SDK1: variants seen among roughly 807,000 people sequenced by gnomAD.
SDK1 encodes protein sidekick-1.
In SDK1, 157 loss-of-function variants were observed where a neutral mutation model predicts 245.5. The observed-to-expected ratio is 0.64, with a 90% confidence interval of 0.56 to 0.73. The LOEUF (loss-of-function observed/expected upper bound fraction) is 0.73. Among genes scored for constraint, SDK1 ranks in the 30% least tolerant of loss-of-function variants. SDK1 has a pLI of 0.00. For missense variants in SDK1, 3,583 were observed against 3,002.3 expected, an observed-to-expected ratio of 1.19 and a Z score of -4.52; for synonymous variants, 1,647 against 1,278.5, an observed-to-expected ratio of 1.29 and a Z score of -6.15.
rs180866854 is a variant in SDK1 at position 3,612,880 on chromosome 7, C to G, written c.299-6200C>G. ...AGCTCATCGTCACTTCACCGGGACA[C>G]GTGGACTTTGTGGGCTTCACAGACT... On this transcript the variant is annotated intron_variant, in intron 1 of 44. Coordinates refer to ENST00000404826, the MANE Select transcript of SDK1 (RefSeq NM_152744.4). Among the ~76,000 whole-genome samples, 384 of 152,242 alleles carry G rather than the reference C, an allele frequency of 2.5e-3. 5 individuals carry two copies. The highest frequency in any genetic ancestry group is 9.0e-3 in the African/African-American group (374 of 41,530).
At chr7:3,686,872 G>A (rs757291331) in intron 4 of SDK1, among the ~76,000 whole-genome samples, 1 of 152,136 alleles carries the variant, frequency 6.6e-6, no homozygotes, top group South Asian at 2.1e-4. Context: ...GGGCACTGGG[G>A]CAGTCCCTTG....
chr7:3,513,120 A>T (rs1267838320), intron 1 of SDK1, among the ~76,000 whole-genome samples: 1 of 152,164 alleles, frequency 6.6e-6, no homozygotes, highest in Non-Finnish European at 1.5e-5. Flanking sequence ...TATATTAATA[A>T]AAATACTAGC....
intron 4 of SDK1, among the ~76,000 whole-genome samples, chr7:3,768,831 T>G (rs1780329494): frequency 6.6e-6 from 1 of 152,182 alleles, no homozygotes; most frequent in South Asian, 2.1e-4. Flanking sequence ...ATGACCCAAA[T>G]TGTCATTTTC....
intron 24 of SDK1, 102 bp from the exon 25 acceptor site, chr7:4,113,932 ACCT>A (rs1329498395): frequency 4.9e-5 from 39 of 799,848 alleles, no homozygotes; most frequent in Non-Finnish European, 7.2e-5. Flanking sequence ...CCCCAGGAAC[ACCT>A]CCTCCACGGA....
chr7:3,402,114 T>A (rs1778904120), intron 1 of SDK1, among the ~76,000 whole-genome samples: 1 of 152,146 alleles, frequency 6.6e-6, no homozygotes, highest in Non-Finnish European at 1.5e-5. Context: ...GATAGAGCAA[T>A]GTCACAGAAA....
Position 4,049,338 on chromosome 7 carries a change from C to T in SDK1, c.2603-10C>T. The T allele has an allele frequency of 6.2e-7, 1 of 1,610,786 alleles. No homozygotes were observed. The highest frequency in any genetic ancestry group is 1.1e-5 in the South Asian group (1 of 91,012). On this transcript the variant is annotated splice_polypyrimidine_tract_variant and intron_variant, in intron 17 of 44. Transcript: ENST00000404826. ...TTGTTCTGCTGTCATCAATGACTGC[C>T]CTGCCACAGTGCCCACCGCGCCCCC...
At chr7:4,065,425 G>T (rs1051301347) in intron 19 of SDK1, among the ~76,000 whole-genome samples, 1 of 151,134 alleles carries the variant, frequency 6.6e-6, no homozygotes, top group African/African-American at 2.5e-5. Flanking sequence ...CTAGAGGACA[G>T]CATCTTTGGG....
intron 5 of SDK1, among the ~76,000 whole-genome samples, chr7:3,936,310 G>T (rs571832078): frequency 2.0e-5 from 3 of 152,066 alleles, no homozygotes; most frequent in Non-Finnish European, 4.4e-5. Flanking sequence ...GGCCGGGCAC[G>T]GTGGCTCACG....
intron 5 of SDK1, among the ~76,000 whole-genome samples, chr7:3,926,512 G>C (rs991395337): frequency 5.1e-4 from 77 of 152,102 alleles, no homozygotes; most frequent in African/African-American, 1.7e-3. Context: ...CCAGTCTGGA[G>C]TGCAGTGGTG....
chr7:4,150,255 C>T (rs1191966623), intron 30 of SDK1, among the ~76,000 whole-genome samples: 7 of 152,144 alleles, frequency 4.6e-5, no homozygotes, highest in Admixed American at 2.6e-4. Context: ...CAGGGCCACC[C>T]GGGACACCCG....
chr7:3,438,545 C>G (rs982342484), intron 1 of SDK1, among the ~76,000 whole-genome samples: 3 of 152,096 alleles, frequency 2.0e-5, no homozygotes, highest in African/African-American at 7.2e-5. Flanking sequence ...TTGTGAAGGC[C>G]CATGTGTCAG....
intron 1 of SDK1, among the ~76,000 whole-genome samples, chr7:3,358,850 T>C (rs1583739352): frequency 1.3e-5 from 2 of 152,226 alleles, no homozygotes; most frequent in African/African-American, 4.8e-5. Context: ...TTAACTATTA[T>C]TTCCTCTTTT....
chr7:3,899,293 C>G (rs986761321), intron 5 of SDK1, among the ~76,000 whole-genome samples: 3 of 152,194 alleles, frequency 2.0e-5, no homozygotes, highest in African/African-American at 7.2e-5. Context: ...CATGACACAT[C>G]TGTCCTTGCC....
intron 16 of SDK1, among the ~76,000 whole-genome samples, chr7:4,013,590 T>A (rs1028902542): frequency 1.6e-4 from 24 of 152,238 alleles, no homozygotes; most frequent in African/African-American, 5.5e-4. Flanking sequence ...GGCAACGCCT[T>A]CCCTGTATAT....
intron 32 of SDK1, among the ~76,000 whole-genome samples, chr7:4,171,311 T>C (rs1781823869): frequency 6.6e-6 from 1 of 152,214 alleles, no homozygotes; most frequent in Non-Finnish European, 1.5e-5. Flanking sequence ...GCTCTATTAC[T>C]GGAGGCGCTT....
intron 30 of SDK1, among the ~76,000 whole-genome samples, chr7:4,152,947 G>T (rs77718704): frequency 7.4e-4 from 112 of 152,276 alleles, no homozygotes; most frequent in African/African-American, 2.6e-3. Flanking sequence ...GTTGTGAGAC[G>T]GGGTAGCCAC....
At chr7:4,162,037 C>T (rs1246323755) in intron 32 of SDK1, among the ~76,000 whole-genome samples, 181 bp downstream of exon 32, 2 of 152,084 alleles carry the variant, frequency 1.3e-5, no homozygotes, top group African/African-American at 2.4e-5. Context: ...ATTATCATCT[C>T]GGTGTAATTT....
At chr7:3,353,995 CTT>C (rs533694234) in intron 1 of SDK1, among the ~76,000 whole-genome samples, 23 of 139,018 alleles carry the variant, frequency 1.7e-4, no homozygotes, top group Admixed American at 3.6e-4. Context: ...TTTTTCTTTT[CTT>C]TTTTTTTTTT....
chr7:3,697,682 T>C (rs956153085), intron 4 of SDK1, among the ~76,000 whole-genome samples: 1 of 152,152 alleles, frequency 6.6e-6, no homozygotes, highest in Non-Finnish European at 1.5e-5. Context: ...GCTGATGTGG[T>C]TTATAACTTA....
Sources: allele counts gnomAD v4.1 joint callset (sites outside exome capture counted in the v4.1 genomes callset), GRCh38; gene constraint gnomAD v4.1.1; transcripts MANE v1.5; gene names NCBI Gene and HGNC (gene_info 2026-07-23, HGNC 2026-07-21).